The following KLF10 variants were observed in gnomAD, a reference collection of about 807,000 sequenced individuals.
KLF10 encodes the protein KLF transcription factor 10, also known as Krueppel-like factor 10.
KLF10 carries 17 observed loss-of-function variants against 31.6 expected under a neutral mutation model. The ratio of observed to expected loss-of-function variants is 0.54; its 90% confidence interval spans 0.37 to 0.81. The LOEUF (loss-of-function observed/expected upper bound fraction) is 0.81, where lower values mean the gene tolerates loss of function less well. Among genes scored for constraint, KLF10 ranks in the 30% least tolerant of loss-of-function variants. KLF10 has a pLI of 0.00. For missense variants in KLF10, 525 were observed against 598.1 expected (o/e 0.88, Z 1.27); for synonymous variants, 239 against 215.1 (o/e 1.11, Z -0.97).
chr8:102,654,341 C>T (rs1827305348), intron 1 of KLF10: 1 of 149,300 alleles, frequency 6.7e-6, no homozygotes, highest in Non-Finnish European at 1.5e-5. Context: ...CCCGCCCCTT[C>T]CAGCTCCCCG....
In KLF10 at chr8:102,650,268, C is replaced by T. The variant is rs747194399; in HGVS notation, c.1307G>A (p.Arg436Gln). ...EKKFACPMCD[R>Q]RFMRSDHLTK... Reference sequence around the variant, plus strand: ...CAAATGGTCACTCCTCATGAACCGCCGGTCACACATGGGGCACGCAAATTT... The same window carrying T: ...CAAATGGTCACTCCTCATGAACCGCTGGTCACACATGGGGCACGCAAATTT... The change falls in exon 4 of 4, where the codon CGG becomes CAG. Residue 436 changes from arginine (R) to glutamine (Q), a missense_variant. By Grantham distance (43) the Arg-to-Gln change is conservative. Around this residue, in one of 3 missense-constraint regions of KLF10, gnomAD observed 49 missense variants for 105.0 expected, o/e 0.47. Transcript: ENST00000285407. The T allele has an allele frequency of 2.5e-6, 4 of 1,614,190 alleles. No homozygotes were observed. Among genetic ancestry groups the T allele is most frequent in the East Asian group, 2.2e-5 (1 of 44,884 alleles).
At chr8:102,655,024 G>T (rs553635835) in intron 1 of KLF10, among the ~76,000 whole-genome samples, 1 of 151,712 alleles carries the variant, frequency 6.6e-6, no homozygotes, top group Non-Finnish European at 1.5e-5. Context: ...CGTCTTCCAA[G>T]CGTGGGTTCA....
chr8:102,651,061 G>T, intron 3 of KLF10, 88 bp downstream of exon 3: 1 of 1,270,782 alleles, frequency 7.9e-7, no homozygotes, highest in Non-Finnish European at 1.1e-6. Flanking sequence ...CTAAAGGCAA[G>T]TTATTCCTTA....
rs1046081298 is a variant in KLF10, at chr8:102,649,466, A to G, written c.*666T>C. 1 of 152,316 alleles carries G rather than the reference A, an allele frequency of 6.6e-6. No individual in the cohort carries two copies. Among genetic ancestry groups the G allele is most frequent in the Non-Finnish European group, 1.5e-5 (1 of 68,094 alleles). 9.4% of individuals were successfully genotyped at this position (152,316 alleles called of 1,614,324 possible). On this transcript the variant is annotated 3_prime_UTR_variant, in exon 4 of 4. Transcript: ENST00000285407. The stretch of plus-strand genomic sequence containing the variant: ...GTTAAACTTTCAAAACAAAAATGCA[A>G]AAACAAATTGTAGCTATGCTTCAAA...
chr8:102,652,019 G>C lies in KLF10; in HGVS notation c.313C>G (p.Gln105Glu). 1.9e-6 allele frequency: 3 copies of C among 1,612,722 alleles called. No individual in the cohort carries two copies. The highest frequency in any genetic ancestry group is 1.1e-5 in the South Asian group (1 of 90,832). The change falls in exon 3 of 4, where the codon CAA becomes GAA. Residue 105 changes from glutamine (Q) to glutamate (E), a missense_variant. Gln to Glu is a conservative substitution (Grantham distance 29). Coordinates refer to ENST00000285407, the MANE Select transcript of KLF10 (RefSeq NM_005655.4). ...GCTGGTGCCATCAGATTTGACACTT[G>C]AGAGGGTTCAAAGTCAGAAGGACTG... ...PYSPSDFEPS[Q>E]VSNLMAPAPS...
chr8:102,652,197 C>T lies in KLF10; in HGVS notation c.237G>A (p.Pro79=), dbSNP rs1386653039. The T allele has an allele frequency of 6.9e-6, 11 of 1,604,008 alleles. No homozygotes were observed. Among genetic ancestry groups the T allele is most frequent in the African/African-American group, 2.7e-5 (2 of 74,754 alleles). The change falls in exon 2 of 4, where the codon CCG becomes CCA. Residue 79 remains proline, a synonymous_variant. Transcript: ENST00000285407. ...GGATTGTATGAAAATCAGGTGTTCC[C>T]GGAAGCAGATTCTCTTCCTCTGACA... ...SDLSEEENLL[P]GTPDFHTIPA...
intron 1 of KLF10, among the ~76,000 whole-genome samples, chr8:102,654,879 G>T (rs1173798759): frequency 6.6e-6 from 1 of 151,990 alleles, no homozygotes; most frequent in East Asian, 1.9e-4. Context: ...ACCTGCCCCT[G>T]GGGTAAGAGT....
intron 1 of KLF10, among the ~76,000 whole-genome samples, chr8:102,655,173 C>A (rs1262767371): frequency 6.6e-6 from 1 of 151,990 alleles, no homozygotes; most frequent in East Asian, 1.9e-4. Flanking sequence ...TGAGGGTAGC[C>A]CCCTTGTCCC....
At position 102,652,183 on chromosome 8, in the gene KLF10, A is replaced by C; in HGVS notation, c.251T>G (p.Phe84Cys). Residue 84 changes from phenylalanine to cysteine, a missense_variant, in exon 2 of 4, where the codon TTT (phenylalanine) becomes TGT (cysteine). Around this residue, in one of 3 missense-constraint regions of KLF10, gnomAD observed 434 missense variants for 450.7 expected, o/e 0.96. Coordinates refer to ENST00000285407, the MANE Select transcript of KLF10 (RefSeq NM_005655.4). ...EENLLPGTPD[F>C]HTIPAFCLTP... ...ACTTACAAATGCTGGGATTGTATGA[A>C]AATCAGGTGTTCCCGGAAGCAGATT... is the stretch of plus-strand genomic sequence containing the variant. 6.3e-7 allele frequency: 1 copy of C among 1,598,266 alleles called. No homozygotes were observed. The highest frequency in any genetic ancestry group is 1.1e-5 in the South Asian group (1 of 88,478).
At position 102,651,548 on chromosome 8, in the gene KLF10, C is replaced by G. The variant is rs1194508579; in HGVS notation, c.784G>C (p.Val262Leu). The change falls in exon 3 of 4, where the codon GTA becomes CTA. Residue 262 changes from valine (V) to leucine (L), a missense_variant. This residue lies in a region of KLF10 where 434 missense variants were observed against 450.7 expected (regional missense o/e 0.96). Coordinates refer to ENST00000285407, the MANE Select transcript of KLF10 (RefSeq NM_005655.4). ...ATAGGTGGCACTCCCCCTGCAGATA[C>G]TGCAGGTGGAGAGACCAACACTGAC... The part of the protein sequence containing the change: ...QKSVLVSPPA[V>L]SAGGVPPMPV... The G allele has an allele frequency of 6.2e-7, 1 of 1,614,046 alleles. No homozygotes were observed. The highest frequency in any genetic ancestry group is 8.5e-7 in the Non-Finnish European group (1 of 1,179,920).
Position 102,655,644 on chromosome 8 carries a change from G to A in KLF10, c.-43C>T, listed in dbSNP as rs1563962448. On this transcript the variant is annotated 5_prime_UTR_variant, in exon 1 of 4. Transcript: ENST00000285407. ...CCGGCGGCAAGCTGACTGGCTGCTAGGCTGCTGGCTGCTTGGCCACAGACG... is the reference window on the plus strand; with the variant it reads ...CCGGCGGCAAGCTGACTGGCTGCTAAGCTGCTGGCTGCTTGGCCACAGACG... 2 of 1,609,568 alleles carry A rather than the reference G, an allele frequency of 1.2e-6. No homozygotes were observed. The highest frequency in any genetic ancestry group is 3.4e-5 in the Admixed American group (2 of 59,268).
intron 1 of KLF10, chr8:102,654,006 G>C: frequency 1.0e-6 from 1 of 984,312 alleles, no homozygotes; most frequent in Non-Finnish European, 1.2e-6. Flanking sequence ...CTCGCCGCTC[G>C]CACGTCCCCG....
chr8:102,653,099 A>G (rs556049648), intron 1 of KLF10, among the ~76,000 whole-genome samples: 1 of 152,328 alleles, frequency 6.6e-6, no homozygotes, highest in East Asian at 1.9e-4. Flanking sequence ...TCACTTGATT[A>G]TGGTAAAGAA....
rs1355518781 is a variant in KLF10 at position 102,651,006 on chromosome 8, C to G, written c.1183+143G>C. The G allele has an allele frequency of 2.8e-5, 19 of 684,018 alleles. 1 individual carries two copies. The highest frequency in any genetic ancestry group is 2.0e-4 in the African/African-American group (11 of 54,516). 42.4% of individuals were successfully genotyped at this position (684,018 alleles called of 1,614,324 possible). ...CACTCGTGAGCGGCCTCCAATACAG[C>G]CTTTTGGAGGACCTTGCACTGGTAA... On this transcript the variant is annotated intron_variant, in intron 3 of 3. Transcript: ENST00000285407.
intron 3 of KLF10, among the ~76,000 whole-genome samples, chr8:102,650,943 T>C (rs1827193397): frequency 6.6e-6 from 1 of 152,142 alleles, no homozygotes; most frequent in East Asian, 1.9e-4. Flanking sequence ...GCTCAAACAA[T>C]CCTCCCACCT....
In KLF10 at chr8:102,650,311, T is replaced by C; in HGVS notation, c.1264A>G (p.Thr422Ala). 1 of 1,614,170 alleles carries C rather than the reference T, an allele frequency of 6.2e-7. No homozygotes were observed. The change falls in exon 4 of 4, where the codon ACC becomes GCC. Residue 422 changes from threonine to alanine, a missense_variant. Transcript: ENST00000285407. ...RSDELSRHRR[T>A]HTGEKKFACP... Reference sequence around the variant, plus strand: ...GCAAATTTCTTCTCACCCGTGTGGGTTCGCCTGTGTCTGGACAGTTCATCA... The same window carrying C: ...GCAAATTTCTTCTCACCCGTGTGGGCTCGCCTGTGTCTGGACAGTTCATCA...
chr8:102,653,386 A>C (rs1587835290), intron 1 of KLF10: 1 of 1,132,066 alleles, frequency 8.8e-7, no homozygotes, highest in East Asian at 2.9e-5. Context: ...ATAACAGCAC[A>C]GGTTTTGCAC....
Position 102,651,226 on chromosome 8 carries a change from T to G in KLF10, c.1106A>C (p.His369Pro), listed in dbSNP as rs1199531194. 1 of 1,571,790 alleles carries G rather than the reference T, an allele frequency of 6.4e-7. No individual in the cohort carries two copies. Among genetic ancestry groups the G allele is most frequent in the Non-Finnish European group, 8.6e-7 (1 of 1,159,932 alleles). ...PQIDSSRIRS[H>P]ICSHPGCGKT... Reference sequence around the variant, plus strand: ...GCCACATCCTGGGTGGCTACAGATGTGACTCCTTATCCTTGATGAATCAAT... The same window carrying G: ...GCCACATCCTGGGTGGCTACAGATGGGACTCCTTATCCTTGATGAATCAAT... Residue 369 changes from histidine to proline, a missense_variant, in exon 3 of 4, where the codon CAC becomes CCC. Physicochemically the swap from His to Pro is moderately conservative, Grantham distance 77. This residue lies in a region of KLF10 where 434 missense variants were observed against 450.7 expected (regional missense o/e 0.96). Coordinates refer to ENST00000285407, the MANE Select transcript of KLF10 (RefSeq NM_005655.4).
chr8:102,652,187 C>T lies in KLF10; in HGVS notation c.247G>A (p.Asp83Asn), dbSNP rs1288980344. Reference sequence around the variant, plus strand: ...ACAAATGCTGGGATTGTATGAAAATCAGGTGTTCCCGGAAGCAGATTCTCT... The same window carrying T: ...ACAAATGCTGGGATTGTATGAAAATTAGGTGTTCCCGGAAGCAGATTCTCT... Reference protein sequence around the residue: ...EEENLLPGTPDFHTIPAFCLT... With the variant: ...EEENLLPGTPNFHTIPAFCLT... Residue 83 changes from aspartate to asparagine, a missense_variant, in exon 2 of 4, where the codon GAT becomes AAT. By Grantham distance (23) the Asp-to-Asn change is conservative (BLOSUM62 1). Coordinates refer to ENST00000285407, the MANE Select transcript of KLF10 (RefSeq NM_005655.4). 2 of 1,599,222 alleles carry T rather than the reference C, an allele frequency of 1.3e-6. No individual in the cohort carries two copies. Among genetic ancestry groups the T allele is most frequent in the Admixed American group, 1.7e-5 (1 of 58,986 alleles).
Sources: gnomAD v4.1 joint callset for allele counts (sites outside exome capture counted in the v4.1 genomes callset) on GRCh38, gnomAD v4.1.1 for gene constraint, gnomAD v4.1.1 regional missense constraint, MANE v1.5 for transcripts, NCBI Gene and HGNC (gene_info 2026-07-23, HGNC 2026-07-21) for gene names.